Variants in TMPRSS15 observed in about 807,000 individuals in gnomAD.
TMPRSS15 encodes the protein transmembrane serine protease 15.
TMPRSS15 carries 128 observed loss-of-function variants against 125.3 expected under a neutral mutation model. The observed-to-expected ratio is 1.02, with a 90% CI of 0.89 to 1.18. TMPRSS15 has a LOEUF of 1.18. Among genes scored for constraint, TMPRSS15 ranks in the 50% most tolerant of loss-of-function variants. TMPRSS15 has a pLI of 0.00. For synonymous variants in TMPRSS15, 446 were observed against 423.2 expected (o/e 1.05, Z -0.66); for missense variants, 1,283 against 1,212.7 (o/e 1.06, Z -0.86).
intron 1 of TMPRSS15, among the ~76,000 whole-genome samples, chr21:18,476,336 T>C (rs1978879914): frequency 6.6e-6 from 1 of 152,140 alleles, no homozygotes; most frequent in Admixed American, 6.6e-5. Flanking sequence ...ATTGCAACCC[T>C]AGATTTTTTC....
rs1487613637 is a variant in TMPRSS15 at position 18,365,177 on chromosome 21, G to T, written c.736C>A (p.Pro246Thr). 1 of 1,614,050 alleles carries T rather than the reference G, an allele frequency of 6.2e-7. No individual in the cohort carries two copies. The highest frequency in any genetic ancestry group is 8.5e-7 in the Non-Finnish European group (1 of 1,179,982). ...GSFQATHYPK[P>T]SETSVVCQWI... is the part of the protein sequence containing the mutation. ...TGGCAGACAACACTTGTTTCAGAAG[G>T]TTTTGGATAATGAGTAGCCTGGAAA... Residue 246 changes from proline (P) to threonine (T), a missense_variant, in exon 7 of 25, where the codon CCT (proline) becomes ACT (threonine). Pro to Thr is a conservative substitution (Grantham distance 38). Transcript: ENST00000284885.
chr21:18,407,158 C>G (rs62215000), upstream of TMPRSS15, among the ~76,000 whole-genome samples: 13,692 of 152,020 alleles, frequency 0.09, 731 homozygotes, highest in Non-Finnish European at 0.12. Flanking sequence ...TACTTCTGAG[C>G]AGAAAAGGGG....
At chr21:18,375,457 G>C (rs929651344) in intron 5 of TMPRSS15, among the ~76,000 whole-genome samples, 3 of 152,070 alleles carry the variant, frequency 2.0e-5, no homozygotes, top group Admixed American at 6.6e-5. Flanking sequence ...TAAGAAGTCT[G>C]TACCAAATTG....
At chr21:18,308,485 C>T (rs1240711410) in intron 18 of TMPRSS15, among the ~76,000 whole-genome samples, 4 of 151,580 alleles carry the variant, frequency 2.6e-5, no homozygotes, top group South Asian at 4.2e-4. Context: ...AAAAAATATG[C>T]TCAATAAAAG....
chr21:18,419,603 T>G (rs1435951988), intron 1 of TMPRSS15, among the ~76,000 whole-genome samples: 2 of 152,196 alleles, frequency 1.3e-5, no homozygotes, highest in African/African-American at 4.8e-5. Context: ...TGTGTGTGTA[T>G]GTCCCAAATT....
intron 1 of TMPRSS15, among the ~76,000 whole-genome samples, chr21:18,420,247 C>T (rs1293922929): frequency 1.3e-5 from 2 of 152,170 alleles, no homozygotes; most frequent in Admixed American, 6.5e-5. Flanking sequence ...TGTTAGCCAC[C>T]TTTAACATCC....
intron 21 of TMPRSS15, among the ~76,000 whole-genome samples, 174 bp downstream of exon 21, chr21:18,294,096 G>C (rs1293436920): frequency 6.6e-6 from 1 of 152,182 alleles, no homozygotes; most frequent in African/African-American, 2.4e-5. Context: ...TTTTTAAAAT[G>C]TATCTCTATT....
At chr21:18,315,055 A>G in intron 17 of TMPRSS15, 91 bp downstream of exon 17, 4 of 1,040,194 alleles carry the variant, frequency 3.8e-6, no homozygotes, top group Non-Finnish European at 5.9e-6. Flanking sequence ...AACAGGTCCT[A>G]ATAGACACAG....
At chr21:18,349,589 T>A (rs1452198310) in intron 10 of TMPRSS15, among the ~76,000 whole-genome samples, 1 of 152,164 alleles carries the variant, frequency 6.6e-6, no homozygotes, top group Non-Finnish European at 1.5e-5. Context: ...AGATAGGATG[T>A]TCTGACACAT....
chr21:18,274,799 C>T (rs2074600357), intron 24 of TMPRSS15, among the ~76,000 whole-genome samples: 1 of 152,194 alleles, frequency 6.6e-6, no homozygotes, highest in Non-Finnish European at 1.5e-5. Flanking sequence ...ACAGACTAAA[C>T]TGGCCCTCAA....
At chr21:18,328,756 A>T (rs1050868213) in intron 15 of TMPRSS15, among the ~76,000 whole-genome samples, 1 of 152,176 alleles carries the variant, frequency 6.6e-6, no homozygotes, top group Non-Finnish European at 1.5e-5. Flanking sequence ...GCATATTTAA[A>T]AATAACTAAA....
chr21:18,365,773 C>T (rs565717388), intron 6 of TMPRSS15, among the ~76,000 whole-genome samples: 117 of 111,872 alleles, frequency 1.0e-3, no homozygotes, highest in Non-Finnish European at 1.7e-3. Flanking sequence ...GACAGAGTTT[C>T]GCTCTTGTTG....
intron 16 of TMPRSS15, among the ~76,000 whole-genome samples, chr21:18,321,781 G>T (rs900664728): frequency 2.6e-5 from 4 of 152,172 alleles, no homozygotes; most frequent in African/African-American, 9.7e-5. Flanking sequence ...CCCTGTTTCT[G>T]TAATTGCTTT....
intron 1 of TMPRSS15, among the ~76,000 whole-genome samples, chr21:18,470,365 C>T (rs1770366937): frequency 6.6e-6 from 1 of 151,830 alleles, no homozygotes; most frequent in Non-Finnish European, 1.5e-5. Flanking sequence ...TCCTTGCAAA[C>T]TGTCAAGAAT....
At position 18,294,361 on chromosome 21, in the gene TMPRSS15, C is replaced by A. The variant is rs368655507; in HGVS notation, c.2395G>T (p.Val799Phe). 2 of 1,614,240 alleles carry A rather than the reference C, an allele frequency of 1.2e-6. No individual in the cohort carries two copies. Among genetic ancestry groups the A allele is most frequent in the Non-Finnish European group, 1.7e-6 (2 of 1,180,040 alleles). Residue 799 changes from valine to phenylalanine, a missense_variant, in exon 21 of 25, where the codon GTT (valine) becomes TTT (phenylalanine). Physicochemically the swap from Val to Phe is conservative, Grantham distance 50. Transcript: ENST00000284885. The part of the protein sequence containing the change: ...SNAKEGAWPW[V>F]VGLYYGGRLL... Reference sequence around the variant, plus strand: ...CGGCCGCCATAATACAGACCCACAACCCAGGGCCAGGCCCCTTCTTTGGCA... The same window carrying A: ...CGGCCGCCATAATACAGACCCACAAACCAGGGCCAGGCCCCTTCTTTGGCA...
chr21:18,283,171 C>T (rs113163353), intron 21 of TMPRSS15, among the ~76,000 whole-genome samples: 8 of 152,262 alleles, frequency 5.3e-5, no homozygotes, highest in Non-Finnish European at 4.4e-5. Context: ...CTGGGATTCC[C>T]GTGTCTACTT....
At chr21:18,287,070 C>T (rs2074773445) in intron 21 of TMPRSS15, among the ~76,000 whole-genome samples, 1 of 152,184 alleles carries the variant, frequency 6.6e-6, no homozygotes, top group South Asian at 2.1e-4. Flanking sequence ...GTTCATACTA[C>T]TTTTCTTTAC....
intron 9 of TMPRSS15, 123 bp from the exon 10 acceptor site, chr21:18,353,175 A>G: frequency 2.3e-6 from 2 of 851,544 alleles, no homozygotes; most frequent in Non-Finnish European, 3.6e-6. Context: ...GTACAAAATC[A>G]TTATTTTTTA....
intron 1 of TMPRSS15, among the ~76,000 whole-genome samples, chr21:18,443,273 C>T (rs1020122337): frequency 2.0e-5 from 3 of 152,262 alleles, no homozygotes; most frequent in African/African-American, 2.4e-5. Flanking sequence ...CTCTGCAGGC[C>T]GATCGGCTGA....
Sources: gnomAD v4.1 joint callset for allele counts (sites outside exome capture counted in the v4.1 genomes callset) on GRCh38, gnomAD v4.1.1 for gene constraint, MANE v1.5 for transcripts, NCBI Gene and HGNC (gene_info 2026-07-23, HGNC 2026-07-21) for gene names.